The following KCNMB4 variants were observed in gnomAD, a reference collection of about 807,000 sequenced individuals.
KCNMB4 encodes potassium calcium-activated channel subfamily M regulatory beta subunit 4, also known as calcium-activated potassium channel subunit beta-4.
Under a neutral mutation model 20.7 loss-of-function variants are expected in KCNMB4, and 3 were observed. The observed-to-expected ratio is 0.14, with a 90% CI of 0.07 to 0.37. The LOEUF (loss-of-function observed/expected upper bound fraction) is 0.37. Ranked by LOEUF, KCNMB4 falls within the 10% of genes least tolerant of loss-of-function variation. KCNMB4 has a pLI of 1.00. For missense variants in KCNMB4, 168 were observed against 265.9 expected (o/e 0.63, Z 2.56); for synonymous variants, 110 against 113.4 (o/e 0.97, Z 0.19).
intron 2 of KCNMB4, among the ~76,000 whole-genome samples, chr12:70,426,029 T>C (rs1402316278): frequency 6.6e-6 from 1 of 151,880 alleles, no homozygotes; most frequent in Non-Finnish European, 1.5e-5. Context: ...GCGGGGTGGC[T>C]CACGTCTGTA....
intron 2 of KCNMB4, among the ~76,000 whole-genome samples, chr12:70,417,327 T>A: frequency 6.6e-6 from 1 of 152,160 alleles, no homozygotes; most frequent in East Asian, 1.9e-4. Context: ...GTTCCTAGCA[T>A]GCTGGGTCTG....
At chr12:70,375,978 A>G (rs1883678135) in intron 1 of KCNMB4, among the ~76,000 whole-genome samples, 1 of 151,996 alleles carries the variant, frequency 6.6e-6, no homozygotes, top group South Asian at 2.1e-4. Flanking sequence ...TTTTTGGAAG[A>G]GTTTGTGATT....
chr12:70,428,582 T>C (rs1221393780), intron 2 of KCNMB4, among the ~76,000 whole-genome samples: 1 of 152,218 alleles, frequency 6.6e-6, no homozygotes, highest in Non-Finnish European at 1.5e-5. Context: ...ATTCTTTCTA[T>C]CCTGTGTCCT....
intron 2 of KCNMB4, among the ~76,000 whole-genome samples, chr12:70,418,484 C>G (rs1868967820): frequency 6.6e-6 from 1 of 152,088 alleles, no homozygotes; most frequent in Non-Finnish European, 1.5e-5. Flanking sequence ...GAAGCAGATT[C>G]CAGGATTTTA....
At chr12:70,426,728 T>G (rs1869224269) in intron 2 of KCNMB4, among the ~76,000 whole-genome samples, 1 of 152,202 alleles carries the variant, frequency 6.6e-6, no homozygotes, top group Admixed American at 6.5e-5. Flanking sequence ...AATTAAAAAT[T>G]ACTTGAGCAA....
At chr12:70,407,320 A>G (rs1868632824) in intron 2 of KCNMB4, among the ~76,000 whole-genome samples, 1 of 151,972 alleles carries the variant, frequency 6.6e-6, no homozygotes, top group Non-Finnish European at 1.5e-5. Flanking sequence ...GCACCAACCC[A>G]GGAGCTCTGG....
chr12:70,423,309 A>G (rs987101658), intron 2 of KCNMB4, among the ~76,000 whole-genome samples: 1 of 152,192 alleles, frequency 6.6e-6, no homozygotes, highest in African/African-American at 2.4e-5. Flanking sequence ...GTACAATTAA[A>G]CATTAGTACT....
At chr12:70,410,377 C>A (rs1210909107) in intron 2 of KCNMB4, among the ~76,000 whole-genome samples, 1 of 152,230 alleles carries the variant, frequency 6.6e-6, no homozygotes, top group Non-Finnish European at 1.5e-5. Flanking sequence ...TCTGCAGTCC[C>A]ACACTGCCAT....
intron 2 of KCNMB4, among the ~76,000 whole-genome samples, chr12:70,418,593 C>A (rs1565866065): frequency 1.3e-5 from 2 of 152,086 alleles, no homozygotes; most frequent in South Asian, 2.1e-4. Context: ...GAGACAAAGG[C>A]GCGTGCTAAC....
chr12:70,389,934 G>A lies in KCNMB4; in HGVS notation c.337-10275G>A, dbSNP rs533222073. Reference sequence around the variant, plus strand: ...AATAGAATTTGTAGGCCCATGTATAGATCAGAGTTCTATTTCTGAGGATTT... The same window carrying A: ...AATAGAATTTGTAGGCCCATGTATAAATCAGAGTTCTATTTCTGAGGATTT... On this transcript the variant is annotated intron_variant, in intron 1 of 2. Transcript: ENST00000258111. Among the ~76,000 whole-genome samples the A allele has an allele frequency of 2.0e-5, 3 of 152,266 alleles. No homozygotes were observed. The South Asian group carries it at 6.2e-4, about 32-fold the overall frequency.
At chr12:70,424,551 A>G (rs1366096017) in intron 2 of KCNMB4, among the ~76,000 whole-genome samples, 1 of 152,074 alleles carries the variant, frequency 6.6e-6, no homozygotes, top group African/African-American at 2.4e-5. Context: ...GGAGTTTGAG[A>G]CCAGCCTGGC....
chr12:70,373,700 C>A (rs1161131716), intron 1 of KCNMB4, among the ~76,000 whole-genome samples: 1 of 152,160 alleles, frequency 6.6e-6, no homozygotes, highest in Non-Finnish European at 1.5e-5. Context: ...TATTTAAAGG[C>A]GTGGTCAGAA....
chr12:70,420,895 A>G (rs1869033358), intron 2 of KCNMB4, among the ~76,000 whole-genome samples: 4 of 151,544 alleles, frequency 2.6e-5, no homozygotes, highest in South Asian at 4.2e-4. Context: ...CGTCTCTACT[A>G]AAAATACAAA....
chr12:70,420,217 G>A (rs1348620961), intron 2 of KCNMB4, among the ~76,000 whole-genome samples: 1 of 152,182 alleles, frequency 6.6e-6, no homozygotes, highest in Non-Finnish European at 1.5e-5. Flanking sequence ...TTATGGTACT[G>A]TGGCTGTCTG....
intron 1 of KCNMB4, among the ~76,000 whole-genome samples, chr12:70,378,019 G>A (rs868398324): frequency 2.0e-5 from 3 of 147,512 alleles, no homozygotes; most frequent in South Asian, 2.2e-4. Context: ...GTGTAATCTC[G>A]TCTCACTGCA....
chr12:70,405,734 G>A (rs528033132), intron 2 of KCNMB4, among the ~76,000 whole-genome samples: 5 of 152,188 alleles, frequency 3.3e-5, no homozygotes, highest in Admixed American at 2.0e-4. Context: ...GCCAAGATGT[G>A]GAAACAACCT....
At chr12:70,415,269 G>T (rs1868886199) in intron 2 of KCNMB4, among the ~76,000 whole-genome samples, 1 of 152,194 alleles carries the variant, frequency 6.6e-6, no homozygotes, top group Non-Finnish European at 1.5e-5. Flanking sequence ...CTTAGTTCCA[G>T]AAGCCTCTTC....
At chr12:70,390,897 T>G (rs1338233344) in intron 1 of KCNMB4, among the ~76,000 whole-genome samples, 1 of 152,178 alleles carries the variant, frequency 6.6e-6, no homozygotes, top group African/African-American at 2.4e-5. Context: ...GGATTAGCAT[T>G]AGCGTAGAGC....
At chr12:70,403,336 C>A (rs11178222) in intron 2 of KCNMB4, among the ~76,000 whole-genome samples, 10,863 of 151,902 alleles carry the variant, frequency 0.072, 614 homozygotes, top group East Asian at 0.28. Flanking sequence ...ATTTTATTTT[C>A]TTTTTGTTTT....
Sources: allele counts gnomAD v4.1 joint callset (sites outside exome capture counted in the v4.1 genomes callset), GRCh38; gene constraint gnomAD v4.1.1; transcripts MANE v1.5; gene names NCBI Gene and HGNC (gene_info 2026-07-23, HGNC 2026-07-21).